Variants in AATF observed in about 807,000 individuals in gnomAD.
AATF encodes the protein apoptosis antagonizing transcription factor, also known as protein AATF.
AATF carries 48 observed loss-of-function variants against 63.7 expected under a neutral mutation model. The ratio of observed to expected loss-of-function variants is 0.75; its 90% CI spans 0.60 to 0.96. The LOEUF (loss-of-function observed/expected upper bound fraction) is 0.96. AATF is among the 40% of genes least tolerant of loss of function. AATF has a pLI of 0.00. For synonymous variants in AATF, 258 were observed against 247.7 expected (o/e 1.04, Z -0.39); for missense variants, 639 against 685.7 (o/e 0.93, Z 0.76).
intron 4 of AATF, among the ~76,000 whole-genome samples, chr17:36,982,278 T>C (rs2071132391): frequency 6.6e-6 from 1 of 151,056 alleles, no homozygotes. Context: ...GCATTATAGA[T>C]GACTCTTTTC....
intron 11 of AATF, among the ~76,000 whole-genome samples, chr17:37,043,753 C>T (rs1013024912): frequency 1.3e-5 from 2 of 152,164 alleles, no homozygotes; most frequent in African/African-American, 4.8e-5. Context: ...TCCTGAGCAC[C>T]TTATGCCCTC....
rs2070868513 is a variant in AATF at position 36,953,050 on chromosome 17, A to G, written c.448A>G (p.Ser150Gly). ...RSHSAKTPGF[S>G]VQSISDFEKF... ...CCACTCTGCAAAAACACCGGGCTTC[A>G]GTGTCCAGAGTATCAGTGACTTTGA... Residue 150 changes from serine to glycine, a missense_variant, in exon 3 of 12, where the codon AGT becomes GGT. Ser to Gly is a moderately conservative substitution (Grantham distance 56). Coordinates refer to ENST00000619387, the MANE Select transcript of AATF (RefSeq NM_012138.4). 3 of 1,614,068 alleles carry G rather than the reference A, an allele frequency of 1.9e-6. No homozygotes were observed. Among genetic ancestry groups the G allele is most frequent in the East Asian group, 2.2e-5 (1 of 44,896 alleles).
intron 4 of AATF, among the ~76,000 whole-genome samples, chr17:36,970,526 C>G (rs889335676): frequency 4.4e-5 from 6 of 136,968 alleles, no homozygotes; most frequent in Non-Finnish European, 9.2e-5. Flanking sequence ...TGGATAGTTT[C>G]TTTCTTTCTT....
At chr17:36,954,935 A>G (rs1002610629) in intron 4 of AATF, among the ~76,000 whole-genome samples, 2 of 152,152 alleles carry the variant, frequency 1.3e-5, no homozygotes, top group African/African-American at 4.8e-5. Flanking sequence ...CTAGATATTC[A>G]GAGTCCTCAT....
At chr17:37,031,723 A>C (rs369692709) in intron 11 of AATF, 38 bp downstream of exon 11, 11 of 1,530,928 alleles carry the variant, frequency 7.2e-6, no homozygotes, top group African/African-American at 6.8e-5. Flanking sequence ...AAATGGCTTC[A>C]TGACAGCCTG....
At chr17:37,009,298 ATT>A (rs34957243) in intron 8 of AATF, among the ~76,000 whole-genome samples, 47 of 128,572 alleles carry the variant, frequency 3.7e-4, no homozygotes, top group Admixed American at 3.8e-4. Flanking sequence ...TGCCCGGCTA[ATT>A]TTTTTTTTTT....
chr17:37,021,804 C>CAAAAAAAAAAAA (rs1246008885), intron 10 of AATF, among the ~76,000 whole-genome samples: 1 of 91,596 alleles, frequency 1.1e-5, no homozygotes, highest in Non-Finnish European at 2.0e-5. Flanking sequence ...GACTCCGTCT[C>CAAAAAAAAAAAA]AAAAAAAAAA....
At chr17:37,032,232 G>A (rs888331184) in intron 11 of AATF, among the ~76,000 whole-genome samples, 1 of 152,098 alleles carries the variant, frequency 6.6e-6, no homozygotes, top group Non-Finnish European at 1.5e-5. Flanking sequence ...ATTCTATAAT[G>A]AAGAGCTTCC....
Position 37,056,655 on chromosome 17 carries a change from C to T in AATF, c.1674C>T (p.His558=), listed in dbSNP as rs116211664. 9.9e-5 allele frequency: 160 copies of T among 1,614,216 alleles called. 1 individual carries two copies. The East Asian group carries it at 1.2e-3, about 12-fold the overall frequency. Residue 558 remains histidine (H), a synonymous_variant, in exon 12 of 12, where the codon CAC becomes CAT. Coordinates refer to ENST00000619387, the MANE Select transcript of AATF (RefSeq NM_012138.4). ...FGQLHPPDEG[H]GD ...AGCTCCACCCTCCCGACGAAGGCCACGGGGATTGACATCGCCCACCTCCGA... is the reference window on the plus strand; with the variant it reads ...AGCTCCACCCTCCCGACGAAGGCCATGGGGATTGACATCGCCCACCTCCGA...
At chr17:37,050,237 C>A (rs2071736117) in intron 11 of AATF, among the ~76,000 whole-genome samples, 2 of 152,188 alleles carry the variant, frequency 1.3e-5, no homozygotes, top group Admixed American at 6.5e-5. Flanking sequence ...GTTTGTGTGT[C>A]TCCCCAAATG....
At chr17:36,978,568 C>T (rs2142234474) in intron 4 of AATF, among the ~76,000 whole-genome samples, 1 of 152,204 alleles carries the variant, frequency 6.6e-6, no homozygotes, top group Middle Eastern at 3.4e-3. Context: ...GTCCGCAGAG[C>T]TCACCAACAA....
At chr17:37,002,679 A>C (rs1232397125) in intron 8 of AATF, among the ~76,000 whole-genome samples, 1 of 152,040 alleles carries the variant, frequency 6.6e-6, no homozygotes, top group Non-Finnish European at 1.5e-5. Context: ...CTCAAAAAAA[A>C]AAAAGCATCT....
At chr17:37,048,143 A>G (rs953785900) in intron 11 of AATF, among the ~76,000 whole-genome samples, 1 of 151,788 alleles carries the variant, frequency 6.6e-6, no homozygotes, top group Non-Finnish European at 1.5e-5. Flanking sequence ...ATTTCAGGAG[A>G]GAAGCCTGTG....
At chr17:37,050,007 G>A (rs1171888826) in intron 11 of AATF, among the ~76,000 whole-genome samples, 1 of 152,120 alleles carries the variant, frequency 6.6e-6, no homozygotes, top group East Asian at 1.9e-4. Flanking sequence ...TCATAGGAGT[G>A]CAGTCAGGAT....
At chr17:37,034,574 C>A (rs143876196) in intron 11 of AATF, 30 of 152,140 alleles carry the variant, frequency 2.0e-4, no homozygotes, top group African/African-American at 7.0e-4. Flanking sequence ...ATTTTTTAAA[C>A]TGATTTCAAG....
At chr17:36,968,530 C>G (rs946427332) in intron 4 of AATF, among the ~76,000 whole-genome samples, 2 of 151,906 alleles carry the variant, frequency 1.3e-5, no homozygotes, top group African/African-American at 4.8e-5. Flanking sequence ...CCTGCCTTGA[C>G]TTCTCAAAGC....
At chr17:36,999,919 G>C (rs36097354) in intron 8 of AATF, 19,087 of 152,302 alleles carry the variant, frequency 0.13, 3,760 homozygotes, top group African/African-American at 0.42. Flanking sequence ...GAGTAGGCAA[G>C]AAAGAGGATG....
At chr17:37,032,567 C>A (rs1435120029) in intron 11 of AATF, among the ~76,000 whole-genome samples, 1 of 152,126 alleles carries the variant, frequency 6.6e-6, no homozygotes, top group Non-Finnish European at 1.5e-5. Flanking sequence ...TAGGGGTGCT[C>A]CTTGTTAGTG....
At chr17:36,949,251 G>C in intron 1 of AATF, 35 bp downstream of exon 1, 1 of 1,556,762 alleles carries the variant, frequency 6.4e-7, no homozygotes, top group Non-Finnish European at 8.7e-7. Flanking sequence ...CGTGCGGAGC[G>C]GTGGGCCAGG....
Sources: gnomAD v4.1 joint callset for allele counts (sites outside exome capture counted in the v4.1 genomes callset) on GRCh38, gnomAD v4.1.1 for gene constraint, MANE v1.5 for transcripts, NCBI Gene and HGNC (gene_info 2026-07-23, HGNC 2026-07-21) for gene names.